The following RGS7 variants were observed in gnomAD, a reference collection of about 807,000 sequenced individuals.
The protein encoded by RGS7 is regulator of G-protein signaling 7.
RGS7 carries 27 observed loss-of-function variants against 81.1 expected under a neutral mutation model. The observed-to-expected ratio is 0.33, with a 90% CI of 0.25 to 0.46. The LOEUF is 0.46. RGS7 is among the 20% of genes least tolerant of loss of function. The pLI is 1.00. For missense variants in RGS7, 396 were observed against 607.4 expected, an observed-to-expected ratio of 0.65 and a Z score of 3.66; for synonymous variants, 208 against 207.7, an observed-to-expected ratio of 1.00 and a Z score of -0.01.
chr1:240,890,101 A>C (rs777500553), intron 6 of RGS7, among the ~76,000 whole-genome samples: 12 of 152,150 alleles, frequency 7.9e-5, no homozygotes, highest in Non-Finnish European at 1.5e-4. Context: ...CTTGTGTCAA[A>C]TGAAACAATC....
intron 1 of RGS7, among the ~76,000 whole-genome samples, 170 bp downstream of exon 1, chr1:241,356,729 C>T (rs1252211781): frequency 6.7e-6 from 1 of 150,310 alleles, no homozygotes; most frequent in East Asian, 2.0e-4. Flanking sequence ...GCACCGTGGA[C>T]CGCGGGGTGC....
At chr1:241,193,647 T>A (rs763248114) in intron 2 of RGS7, among the ~76,000 whole-genome samples, 10 of 152,222 alleles carry the variant, frequency 6.6e-5, no homozygotes, top group African/African-American at 9.6e-5. Flanking sequence ...TCTAGAGTAC[T>A]TATACAATTT....
At chr1:241,103,202 C>T (rs973764107) in intron 2 of RGS7, among the ~76,000 whole-genome samples, 5 of 151,968 alleles carry the variant, frequency 3.3e-5, no homozygotes, top group African/African-American at 7.3e-5. Context: ...CTTACACACA[C>T]GCATATATAT....
At chr1:241,232,586 G>A (rs542209019) in intron 2 of RGS7, among the ~76,000 whole-genome samples, 120 of 151,584 alleles carry the variant, frequency 7.9e-4, no homozygotes, top group Middle Eastern at 6.8e-3. Flanking sequence ...GTGTAAATCC[G>A]CTAACTTTCT....
chr1:241,229,725 T>C (rs375718680), intron 2 of RGS7, among the ~76,000 whole-genome samples: 1 of 152,224 alleles, frequency 6.6e-6, no homozygotes, highest in African/African-American at 2.4e-5. Flanking sequence ...ACTTGACTGG[T>C]CTGGGAAATC....
intron 2 of RGS7, among the ~76,000 whole-genome samples, chr1:241,135,780 CTTTT>C (rs1400329448): frequency 6.6e-6 from 1 of 151,836 alleles, no homozygotes; most frequent in African/African-American, 2.4e-5. Flanking sequence ...TGTCAGTGGC[CTTTT>C]TTTATTATTT....
At chr1:241,027,580 G>A (rs532469734) in intron 3 of RGS7, among the ~76,000 whole-genome samples, 1 of 151,972 alleles carries the variant, frequency 6.6e-6, no homozygotes, top group African/African-American at 2.4e-5. Flanking sequence ...CTAGCGTGAT[G>A]AAAAGGGAGA....
intron 10 of RGS7, among the ~76,000 whole-genome samples, chr1:240,818,852 G>T (rs1347887836): frequency 1.3e-5 from 2 of 152,108 alleles, no homozygotes; most frequent in East Asian, 3.9e-4. Flanking sequence ...ATAAGCTCTG[G>T]TGTTCTATTG....
intron 3 of RGS7, among the ~76,000 whole-genome samples, chr1:241,057,134 C>T (rs2061512583): frequency 6.6e-6 from 1 of 151,896 alleles, no homozygotes; most frequent in Non-Finnish European, 1.5e-5. Flanking sequence ...GGAGAGATAG[C>T]CAAATTGATA....
chr1:241,249,995 A>C (rs12759774), intron 2 of RGS7, among the ~76,000 whole-genome samples: 1 of 152,208 alleles, frequency 6.6e-6, no homozygotes, highest in Non-Finnish European at 1.5e-5. Context: ...AATATGTAAA[A>C]CCAATCACAT....
chr1:240,967,995 A>T (rs1362483429), intron 4 of RGS7, among the ~76,000 whole-genome samples: 1 of 152,144 alleles, frequency 6.6e-6, no homozygotes, highest in Non-Finnish European at 1.5e-5. Context: ...TCTACCAACC[A>T]ATATCCATAT....
chr1:240,980,312 T>C (rs1401148557), intron 4 of RGS7, among the ~76,000 whole-genome samples: 1 of 152,204 alleles, frequency 6.6e-6, no homozygotes, highest in Non-Finnish European at 1.5e-5. Context: ...TCCTCCTGTC[T>C]TCAAATGGGC....
intron 3 of RGS7, among the ~76,000 whole-genome samples, chr1:241,015,155 C>G (rs2059158164): frequency 6.6e-6 from 1 of 152,166 alleles, no homozygotes. Flanking sequence ...TTTTCATCTC[C>G]AGGCTGTCAA....
intron 5 of RGS7, among the ~76,000 whole-genome samples, chr1:240,933,787 C>G (rs1676115312): frequency 6.6e-6 from 1 of 151,950 alleles, no homozygotes; most frequent in Middle Eastern, 3.4e-3. Flanking sequence ...TACATCAGAT[C>G]TCATTTTCAG....
intron 6 of RGS7, among the ~76,000 whole-genome samples, chr1:240,922,765 T>C (rs558892250): frequency 6.6e-6 from 1 of 152,202 alleles, no homozygotes; most frequent in South Asian, 2.1e-4. Flanking sequence ...TCATTGCTGG[T>C]GGGAATGCAA....
chr1:241,330,130 G>A (rs1388098997), intron 2 of RGS7, among the ~76,000 whole-genome samples: 6 of 152,046 alleles, frequency 3.9e-5, no homozygotes, highest in African/African-American at 9.7e-5. Flanking sequence ...TAGCAGAGAC[G>A]GGGTTTCACT....
chr1:241,229,212 T>C (rs1173663621), intron 2 of RGS7, among the ~76,000 whole-genome samples: 1 of 152,200 alleles, frequency 6.6e-6, no homozygotes, highest in East Asian at 1.9e-4. Context: ...CCAGAACAGA[T>C]GGCCCACGGA....
chr1:240,974,494 G>T (rs1235822611), intron 4 of RGS7, among the ~76,000 whole-genome samples: 1 of 152,184 alleles, frequency 6.6e-6, no homozygotes, highest in South Asian at 2.1e-4. Context: ...AGAATTGATT[G>T]ACCGTGGCAC....
At chr1:240,926,870 G>C (rs1246057515) in intron 6 of RGS7, among the ~76,000 whole-genome samples, 1 of 152,092 alleles carries the variant, frequency 6.6e-6, no homozygotes, top group African/African-American at 2.4e-5. Flanking sequence ...GTCCGTATTG[G>C]CTTGTCTTAG....
Sources: allele counts gnomAD v4.1 joint callset (sites outside exome capture counted in the v4.1 genomes callset), GRCh38; gene constraint gnomAD v4.1.1; transcripts MANE v1.5; gene names NCBI Gene and HGNC (gene_info 2026-07-23, HGNC 2026-07-21).